The following ZNF407 variants were observed in gnomAD, a reference collection of about 807,000 sequenced individuals.
ZNF407 encodes the protein zinc finger protein 407.
Under a neutral mutation model 131.2 loss-of-function variants are expected in ZNF407, and 17 were observed. The ratio of observed to expected loss-of-function variants is 0.13; its 90% CI spans 0.09 to 0.19. ZNF407 has a LOEUF of 0.19. ZNF407 is among the 10% of genes least tolerant of loss of function. The probability of loss-of-function intolerance (pLI) is 1.00; values close to 1 mark genes in which losing one functional copy is unlikely to be tolerated. For missense variants in ZNF407, 2,681 were observed against 2,830.6 expected (o/e 0.95, Z 1.20); for synonymous variants, 1,156 against 1,062.0 (o/e 1.09, Z -1.72).
intron 4 of ZNF407, among the ~76,000 whole-genome samples, chr18:74,784,005 T>A (rs887897291): frequency 6.6e-6 from 1 of 152,214 alleles, no homozygotes; most frequent in Non-Finnish European, 1.5e-5. Context: ...TTCAATGGTA[T>A]AATCTAGAAG....
At chr18:74,759,475 G>A (rs1476669928) in intron 3 of ZNF407, among the ~76,000 whole-genome samples, 1 of 151,796 alleles carries the variant, frequency 6.6e-6, no homozygotes, top group Non-Finnish European at 1.5e-5. Flanking sequence ...TTAATATTAT[G>A]TCCTTATTAA....
chr18:74,776,086 T>C (rs1044238717), intron 3 of ZNF407, among the ~76,000 whole-genome samples: 2 of 152,088 alleles, frequency 1.3e-5, no homozygotes, highest in African/African-American at 4.8e-5. Context: ...CCCAGTGCCA[T>C]AGTATTAATT....
chr18:74,767,051 A>G (rs1281932113), intron 3 of ZNF407, among the ~76,000 whole-genome samples: 1 of 152,072 alleles, frequency 6.6e-6, no homozygotes, highest in Non-Finnish European at 1.5e-5. Context: ...AGCTGGTACC[A>G]CAGGTGCGCA....
chr18:75,053,411 ATAC>A (rs1405924936), intron 8 of ZNF407, among the ~76,000 whole-genome samples: 4 of 152,120 alleles, frequency 2.6e-5, no homozygotes, highest in Non-Finnish European at 5.9e-5. Context: ...GAAACCACGG[ATAC>A]TGCCTCACCA....
intron 8 of ZNF407, among the ~76,000 whole-genome samples, chr18:74,935,897 T>G (rs1277151981): frequency 6.6e-6 from 1 of 152,200 alleles, no homozygotes; most frequent in Non-Finnish European, 1.5e-5. Context: ...CTTTTAATGG[T>G]TTCCTAATGT....
chr18:74,676,651 G>T (rs577940850), intron 3 of ZNF407, among the ~76,000 whole-genome samples: 1 of 151,706 alleles, frequency 6.6e-6, no homozygotes, highest in Non-Finnish European at 1.5e-5. Context: ...AGCCAGGATG[G>T]TCTCGATCTC....
intron 3 of ZNF407, among the ~76,000 whole-genome samples, chr18:74,667,056 T>G (rs1053605248): frequency 2.0e-5 from 3 of 152,330 alleles, no homozygotes; most frequent in Admixed American, 1.3e-4. Context: ...TTTCTCTACT[T>G]TGTCCATCAC....
chr18:74,937,953 C>G (rs1972056873), intron 8 of ZNF407, among the ~76,000 whole-genome samples: 1 of 152,184 alleles, frequency 6.6e-6, no homozygotes, highest in Admixed American at 6.5e-5. Flanking sequence ...AATGCTCTGT[C>G]TTCCACAATA....
chr18:74,990,251 G>A (rs1397538734), intron 8 of ZNF407, among the ~76,000 whole-genome samples: 2 of 152,184 alleles, frequency 1.3e-5, no homozygotes, highest in Non-Finnish European at 2.9e-5. Flanking sequence ...CTGCGAATCT[G>A]ATACCCATCA....
chr18:74,689,153 C>T lies in ZNF407; in HGVS notation c.4802+48031C>T, dbSNP rs117360350. Among the ~76,000 whole-genome samples the T allele has an allele frequency of 1.3e-3, 205 of 152,148 alleles. 1 individual carries two copies. The East Asian group carries it at 0.036, about 27-fold the overall frequency. ...TATATCTTTCTATTTTATTTAGGTC[C>T]TTCATTTCTTTCATCAGTGTTTTCT... On this transcript the variant is annotated intron_variant, in intron 3 of 8. Coordinates refer to ENST00000299687, the MANE Select transcript of ZNF407 (RefSeq NM_017757.3).
chr18:74,795,580 G>C (rs903469249), intron 4 of ZNF407, among the ~76,000 whole-genome samples: 2 of 152,130 alleles, frequency 1.3e-5, no homozygotes, highest in Non-Finnish European at 2.9e-5. Flanking sequence ...GGTTTCCCTT[G>C]TATGTTGATA....
chr18:74,938,073 A>C (rs1338702743), intron 8 of ZNF407, among the ~76,000 whole-genome samples: 2 of 151,974 alleles, frequency 1.3e-5, no homozygotes, highest in African/African-American at 2.4e-5. Flanking sequence ...CCTCTTTTTT[A>C]CCAATCCCAG....
intron 8 of ZNF407, among the ~76,000 whole-genome samples, chr18:74,940,138 C>G (rs1972080409): frequency 6.6e-6 from 1 of 152,172 alleles, no homozygotes; most frequent in Non-Finnish European, 1.5e-5. Context: ...TTGACTTGCT[C>G]CATGTAGGGA....
At chr18:74,841,630 G>A (rs1970635062) in intron 4 of ZNF407, among the ~76,000 whole-genome samples, 1 of 152,212 alleles carries the variant, frequency 6.6e-6, no homozygotes, top group African/African-American at 2.4e-5. Context: ...GAATTGAAAG[G>A]TTGTTGCTAA....
At chr18:75,046,167 A>G (rs1973433282) in intron 8 of ZNF407, among the ~76,000 whole-genome samples, 2 of 152,210 alleles carry the variant, frequency 1.3e-5, no homozygotes, top group African/African-American at 2.4e-5. Context: ...CAGCTGCTAT[A>G]TATTGTGGAG....
chr18:75,044,309 G>A (rs143426261), intron 8 of ZNF407, among the ~76,000 whole-genome samples: 5 of 150,972 alleles, frequency 3.3e-5, no homozygotes, highest in East Asian at 1.9e-4. Context: ...TCATGAAAGC[G>A]TTTTGTTGGG....
At chr18:74,993,340 T>G (rs1972740863) in intron 8 of ZNF407, among the ~76,000 whole-genome samples, 1 of 152,172 alleles carries the variant, frequency 6.6e-6, no homozygotes. Flanking sequence ...ATGGATGCAC[T>G]ACATTATGGA....
intron 8 of ZNF407, among the ~76,000 whole-genome samples, chr18:74,926,333 A>G (rs189094257): frequency 2.4e-4 from 36 of 152,308 alleles, no homozygotes; most frequent in African/African-American, 7.9e-4. Context: ...AGTATTTTTC[A>G]TCATCCTGTT....
At chr18:74,650,413 A>G (rs771014730) in intron 3 of ZNF407, among the ~76,000 whole-genome samples, 3 of 152,204 alleles carry the variant, frequency 2.0e-5, no homozygotes, top group Non-Finnish European at 4.4e-5. Context: ...TTGCTGCAGT[A>G]CTTCAAAAGA....
Sources: allele counts gnomAD v4.1 joint callset (sites outside exome capture counted in the v4.1 genomes callset), GRCh38; gene constraint gnomAD v4.1.1; transcripts MANE v1.5; gene names NCBI Gene and HGNC (gene_info 2026-07-23, HGNC 2026-07-21).